Variants in MEMO1 observed in about 807,000 individuals in gnomAD.
MEMO1 encodes protein MEMO1.
A neutral mutation model predicts 45.2 loss-of-function variants in MEMO1; 6 were observed. The ratio of observed to expected loss-of-function variants is 0.13; its 90% CI spans 0.07 to 0.26. MEMO1 has a LOEUF of 0.26. Among genes scored for constraint, MEMO1 ranks in the 10% least tolerant of loss-of-function variants. MEMO1 has a pLI of 1.00. For missense variants in MEMO1, 184 were observed against 370.5 expected (o/e 0.50, Z 4.13); for synonymous variants, 78 against 124.3 (o/e 0.63, Z 2.48).
At chr2:31,969,589 GTGTGTGTGTGTGTGT>G (rs1669102834) in intron 2 of MEMO1, among the ~76,000 whole-genome samples, 2 of 43,518 alleles carry the variant, frequency 4.6e-5, no homozygotes, top group African/African-American at 1.8e-4. Context: ...GTGTGTGGGT[GTGTGTGTGTGTGTGT>G]GTGTGTGTGT....
Position 31,882,332 on chromosome 2 carries a change from A to C in MEMO1, c.657+1054T>G, listed in dbSNP as rs141226907. The stretch of plus-strand genomic sequence containing the variant: ...TCCCTGTCTCTTAAAAAAAGGAAAA[A>C]AGAAATATCTTAATATGCATGCTTA... On this transcript the variant is annotated intron_variant, in intron 8 of 9. Coordinates refer to ENST00000404530, the MANE Select transcript of MEMO1 (RefSeq NM_001301833.4). Among the ~76,000 whole-genome samples, 634 of 152,222 alleles carry C rather than the reference A, an allele frequency of 4.2e-3. 9 individuals are homozygous for C. The highest frequency in any genetic ancestry group is 0.015 in the African/African-American group (623 of 41,530).
At chr2:31,890,159 C>A (rs1319492260) in intron 7 of MEMO1, among the ~76,000 whole-genome samples, 1 of 152,052 alleles carries the variant, frequency 6.6e-6, no homozygotes. Context: ...CAGAAAAGAG[C>A]AATATTGAAA....
chr2:31,980,284 T>A (rs1670485720), intron 2 of MEMO1, among the ~76,000 whole-genome samples: 1 of 152,010 alleles, frequency 6.6e-6, no homozygotes, highest in Non-Finnish European at 1.5e-5. Flanking sequence ...AATTTTAAAA[T>A]TAGCTGGGCG....
chr2:31,963,328 T>A (rs1668243759), intron 2 of MEMO1: 1 of 1,395,090 alleles, frequency 7.2e-7, no homozygotes, highest in Non-Finnish European at 9.4e-7. Flanking sequence ...ACAAATATAG[T>A]TATAAAGGTG....
At chr2:32,009,020 T>C (rs1338339886) in intron 2 of MEMO1, among the ~76,000 whole-genome samples, 1 of 152,146 alleles carries the variant, frequency 6.6e-6, no homozygotes, top group African/African-American at 2.4e-5. Context: ...CAATACCAAA[T>C]GACTGAAGAC....
At chr2:31,969,260 A>G (rs939911083) in intron 2 of MEMO1, among the ~76,000 whole-genome samples, 1 of 151,122 alleles carries the variant, frequency 6.6e-6, no homozygotes, top group Admixed American at 6.6e-5. Context: ...GCAGGCTACA[A>G]AGCTATATAT....
intron 2 of MEMO1, among the ~76,000 whole-genome samples, chr2:31,962,666 G>C (rs969096687): frequency 1.3e-5 from 2 of 152,082 alleles, no homozygotes; most frequent in African/African-American, 4.8e-5. Flanking sequence ...GTAAAGCTTT[G>C]AAAAGTATGA....
intron 6 of MEMO1, among the ~76,000 whole-genome samples, chr2:31,893,921 C>T (rs1312760955): frequency 6.6e-6 from 1 of 152,086 alleles, no homozygotes. Flanking sequence ...GCTCATTTAT[C>T]CACCCCTCTG....
chr2:31,967,867 G>A (rs536977614), intron 2 of MEMO1, among the ~76,000 whole-genome samples: 317 of 152,184 alleles, frequency 2.1e-3, no homozygotes, highest in Non-Finnish European at 3.5e-3. Flanking sequence ...TTTATGTAAA[G>A]TACAGAAAGT....
At position 31,999,148 on chromosome 2, in the gene MEMO1, A is replaced by C. The variant is rs142754993; in HGVS notation, c.61+11039T>G. Among the ~76,000 whole-genome samples the C allele has an allele frequency of 3.9e-5, 6 of 152,032 alleles. No individual in the cohort carries two copies. In the East Asian group the frequency reaches 1.2e-3, roughly 29 times the overall value. On this transcript the variant is annotated intron_variant, in intron 2 of 9. Transcript: ENST00000404530. Reference sequence around the variant, plus strand: ...TATATTCAACAACCAATCACTTCTCACCATCTCCACTGTTACTACTCATTT... The same window carrying C: ...TATATTCAACAACCAATCACTTCTCCCCATCTCCACTGTTACTACTCATTT...
chr2:31,985,670 A>G (rs1391098292), intron 2 of MEMO1, among the ~76,000 whole-genome samples: 1 of 152,148 alleles, frequency 6.6e-6, no homozygotes, highest in Non-Finnish European at 1.5e-5. Context: ...TCTCCTTTAC[A>G]TGGCTTTTAA....
At chr2:31,882,239 G>A (rs1675505429) in intron 8 of MEMO1, among the ~76,000 whole-genome samples, 1 of 152,028 alleles carries the variant, frequency 6.6e-6, no homozygotes, top group Non-Finnish European at 1.5e-5. Flanking sequence ...GATTGCTTAA[G>A]CCCAGGAATT....
rs200373239 is a variant in MEMO1, at chr2:31,924,439, C to T, written c.213-3529G>A. Among the ~76,000 whole-genome samples, 4 of 143,632 alleles carry T rather than the reference C, an allele frequency of 2.8e-5. No homozygotes were observed. In the East Asian group the frequency reaches 8.0e-4, roughly 29 times the overall value. The allele number at this position is 143,632 out of a possible 152,430, so 94.2% of individuals were successfully genotyped here. A position where few individuals can be genotyped will look rare whatever the true frequency, so the allele number is the denominator to read the frequency against. ...CAATATTAGCACATCATCGGTGATA[C>T]ACAAGTTAAAAAAAAAAAAAACCTT... On this transcript the variant is annotated intron_variant, in intron 4 of 9. Transcript: ENST00000404530.
chr2:31,971,564 T>G (rs749093821), intron 2 of MEMO1, among the ~76,000 whole-genome samples: 1 of 152,022 alleles, frequency 6.6e-6, no homozygotes, highest in Non-Finnish European at 1.5e-5. Context: ...TTTTTAGAGA[T>G]AGAGTCTTGC....
intron 2 of MEMO1, among the ~76,000 whole-genome samples, chr2:31,980,652 T>G (rs1377014334): frequency 6.6e-6 from 1 of 152,096 alleles, no homozygotes; most frequent in East Asian, 1.9e-4. Context: ...TTCTCCAACA[T>G]TTTTCACTGT....
Position 31,990,801 on chromosome 2 carries a change from A to G in MEMO1, c.61+19386T>C, listed in dbSNP as rs142567509. 9.7e-3 allele frequency among the ~76,000 whole-genome samples: 1,474 copies of G among 152,254 alleles called. 26 individuals carry two copies. The highest frequency in any genetic ancestry group is 0.048 in the South Asian group (231 of 4,824). The stretch of plus-strand genomic sequence containing the variant: ...ACATAAATAAAAACTCTTTAGGGCT[A>G]TCAATAATTTTGAAGGCTATAAAGA... On this transcript the variant is annotated intron_variant, in intron 2 of 9. Transcript: ENST00000404530.
rs759946611 is a variant in MEMO1, at chr2:31,868,502, A to G, written c.763-10T>C. 1.2e-5 allele frequency: 19 copies of G among 1,592,368 alleles called. No homozygotes were observed. The highest frequency in any genetic ancestry group is 1.6e-5 in the Non-Finnish European group (19 of 1,170,620). On this transcript the variant is annotated splice_polypyrimidine_tract_variant and intron_variant, in intron 9 of 9. Transcript: ENST00000404530. ...GGAGCTCTGTGATAGCCTAGAAAAA[A>G]GAAAAATTTGGTTAGGACACACATC...
chr2:31,949,085 C>G (rs1441963882), intron 2 of MEMO1, among the ~76,000 whole-genome samples: 1 of 152,124 alleles, frequency 6.6e-6, no homozygotes, highest in Non-Finnish European at 1.5e-5. Context: ...GTTAAAATGG[C>G]TTGTACCCAA....
At chr2:32,001,216 T>C (rs1673274622) in intron 2 of MEMO1, among the ~76,000 whole-genome samples, 1 of 151,780 alleles carries the variant, frequency 6.6e-6, no homozygotes, top group South Asian at 2.1e-4. Flanking sequence ...TTTTTTTGTA[T>C]TTTTAGTAGA....
Sources: allele counts gnomAD v4.1 joint callset (sites outside exome capture counted in the v4.1 genomes callset), GRCh38; gene constraint gnomAD v4.1.1; transcripts MANE v1.5; gene names NCBI Gene and HGNC (gene_info 2026-07-23, HGNC 2026-07-21).